Variants in SMURF1 observed in about 807,000 individuals in gnomAD.
SMURF1 encodes E3 ubiquitin-protein ligase SMURF1.
Under a neutral mutation model 98.0 loss-of-function variants are expected in SMURF1, and 44 were observed. The observed-to-expected ratio is 0.45, with a 90% confidence interval of 0.35 to 0.58. SMURF1 has a LOEUF of 0.58. SMURF1 is among the 20% of genes least tolerant of loss of function. The pLI is 0.00. For missense variants in SMURF1, 687 were observed against 938.4 expected, an observed-to-expected ratio of 0.73 and a Z score of 3.50; for synonymous variants, 396 against 374.9, an observed-to-expected ratio of 1.06 and a Z score of -0.65.
chr7:99,072,787 T>C (rs1796357752), intron 1 of SMURF1, among the ~76,000 whole-genome samples: 1 of 152,236 alleles, frequency 6.6e-6, no homozygotes. Flanking sequence ...CTTTCCTATT[T>C]ATCATTTTAT....
At chr7:99,100,313 G>A (rs1398835242) in intron 1 of SMURF1, among the ~76,000 whole-genome samples, 2 of 152,212 alleles carry the variant, frequency 1.3e-5, no homozygotes, top group African/African-American at 4.8e-5. Flanking sequence ...CTAGTACTTC[G>A]GGAGGCCGAG....
intron 1 of SMURF1, among the ~76,000 whole-genome samples, chr7:99,076,094 T>A (rs975604532): frequency 6.6e-6 from 1 of 152,172 alleles, no homozygotes; most frequent in African/African-American, 2.4e-5. Context: ...TTTATAGCGA[T>A]GGGGTCTCGC....
chr7:99,109,901 C>G (rs1048969962), intron 1 of SMURF1, among the ~76,000 whole-genome samples: 1 of 152,176 alleles, frequency 6.6e-6, no homozygotes, highest in Non-Finnish European at 1.5e-5. Flanking sequence ...ACATTTCCAT[C>G]AAAGCCAAGA....
At position 99,031,635 on chromosome 7, in the gene SMURF1, G is replaced by A. The variant is rs532299470; in HGVS notation, c.2097-952C>T. On this transcript the variant is annotated intron_variant, in intron 17 of 17. Coordinates refer to ENST00000361368, the MANE Select transcript of SMURF1 (RefSeq NM_181349.3). ...TGTGCAGCCAACATGGTGCGTTCCCGTAATGGACGCCACAGCCATGCTTGG... is the reference window on the plus strand; with the variant it reads ...TGTGCAGCCAACATGGTGCGTTCCCATAATGGACGCCACAGCCATGCTTGG... Among the ~76,000 whole-genome samples the A allele has an allele frequency of 9.8e-5, 15 of 152,314 alleles. No individual in the cohort carries two copies. In the South Asian group the frequency reaches 2.9e-3, roughly 29 times the overall value.
rs181092023 is a variant in SMURF1, at chr7:99,107,747, A to G, written c.55+35979T>C. 1.0e-3 allele frequency among the ~76,000 whole-genome samples: 159 copies of G among 152,350 alleles called. 2 individuals are homozygous for G. The highest frequency in any genetic ancestry group is 3.6e-3 in the African/African-American group (151 of 41,578). On this transcript the variant is annotated intron_variant, in intron 1 of 17. Coordinates refer to ENST00000361368, the MANE Select transcript of SMURF1 (RefSeq NM_181349.3). ...TCCCAGGCTTCTCGGAGCCAGTCCC[A>G]GGGTGGTATTAAGTGGCATTCCCGG...
rs959286808 is a variant in SMURF1, at chr7:99,028,540, A to G, written c.*2044T>C. 3.9e-5 allele frequency: 6 copies of G among 152,414 alleles called. No homozygotes were observed. In the East Asian group the frequency reaches 1.2e-3, roughly 29 times the overall value. The allele number at this position is 152,414 out of a possible 1,614,324, so 9.4% of individuals were successfully genotyped here. A position where few individuals can be genotyped will look rare whatever the true frequency, so the allele number is the denominator to read the frequency against. On this transcript the variant is annotated 3_prime_UTR_variant, in exon 18 of 18. Coordinates refer to ENST00000361368, the MANE Select transcript of SMURF1 (RefSeq NM_181349.3). ...CGGCACGAGAGGCAGGGCAGCACCA[A>G]CCAGCATGGGGATGGCGGTGCAGCT...
chr7:99,084,343 C>T (rs1462211391), intron 1 of SMURF1, among the ~76,000 whole-genome samples: 1 of 152,106 alleles, frequency 6.6e-6, no homozygotes, highest in East Asian at 1.9e-4. Context: ...TGCAGTGGCG[C>T]GATCTCAGCT....
chr7:99,068,357 C>A (rs1376928543), intron 1 of SMURF1, among the ~76,000 whole-genome samples: 1 of 152,226 alleles, frequency 6.6e-6, no homozygotes, highest in Non-Finnish European at 1.5e-5. Flanking sequence ...GGGGCACAAT[C>A]ATGGCTGACT....
intron 14 of SMURF1, among the ~76,000 whole-genome samples, chr7:99,037,480 C>T (rs905714595): frequency 6.6e-6 from 1 of 152,208 alleles, no homozygotes; most frequent in African/African-American, 2.4e-5. Flanking sequence ...CTCAGGTGAT[C>T]CGCCCGCCTC....
intron 1 of SMURF1, among the ~76,000 whole-genome samples, chr7:99,103,339 A>G (rs554497752): frequency 6.6e-6 from 1 of 152,218 alleles, no homozygotes; most frequent in Non-Finnish European, 1.5e-5. Flanking sequence ...TTTCATTCCA[A>G]TAAAGCAATT....
intron 1 of SMURF1, among the ~76,000 whole-genome samples, chr7:99,114,657 C>T (rs1392508254): frequency 6.6e-6 from 1 of 152,108 alleles, no homozygotes; most frequent in East Asian, 1.9e-4. Flanking sequence ...AGCAACTATA[C>T]CTAACGGACA....
At chr7:99,063,239 ATT>A (rs1563012538) in intron 1 of SMURF1, among the ~76,000 whole-genome samples, 2,650 of 10,282 alleles carry the variant, frequency 0.26, 289 homozygotes, top group Middle Eastern at 0.38. Context: ...TATAAGATTT[ATT>A]TATATATATA....
At chr7:99,049,927 T>A (rs1795705929) in intron 8 of SMURF1, 1 of 449,806 alleles carries the variant, frequency 2.2e-6, no homozygotes, top group Non-Finnish European at 3.9e-6. Context: ...AAACCAAACT[T>A]TCAGGCTGGG....
intron 1 of SMURF1, among the ~76,000 whole-genome samples, chr7:99,118,917 G>A (rs531171952): frequency 1.6e-4 from 24 of 150,316 alleles, no homozygotes; most frequent in African/African-American, 2.4e-4. Context: ...GCTGCAGTAC[G>A]TGATGCAATG....
At chr7:99,131,958 C>A (rs1185979188) in intron 1 of SMURF1, among the ~76,000 whole-genome samples, 3 of 152,112 alleles carry the variant, frequency 2.0e-5, no homozygotes, top group Non-Finnish European at 4.4e-5. Context: ...GGGCAAGGGG[C>A]AAATGAATGA....
chr7:99,058,493 G>A (rs1028462909), intron 3 of SMURF1, among the ~76,000 whole-genome samples: 1 of 152,110 alleles, frequency 6.6e-6, no homozygotes, highest in African/African-American at 2.4e-5. Context: ...CACCAATTAG[G>A]TTTGATACAG....
chr7:99,126,527 G>A (rs1797749159), intron 1 of SMURF1, among the ~76,000 whole-genome samples: 7 of 151,976 alleles, frequency 4.6e-5, no homozygotes, highest in Admixed American at 3.9e-4. Flanking sequence ...GTGGTGGCAT[G>A]TGCCTGTAGT....
intron 1 of SMURF1, among the ~76,000 whole-genome samples, chr7:99,122,950 A>T (rs1245110507): frequency 2.6e-5 from 4 of 151,958 alleles, no homozygotes; most frequent in African/African-American, 4.8e-5. Flanking sequence ...TCAAAGTGAC[A>T]GGCAGGTTCA....
chr7:99,073,959 A>G (rs1796393465), intron 1 of SMURF1, among the ~76,000 whole-genome samples: 1 of 152,232 alleles, frequency 6.6e-6, no homozygotes, highest in Admixed American at 6.5e-5. Context: ...TGAGATGTCC[A>G]TCAACAATAC....
Sources: allele counts gnomAD v4.1 joint callset (sites outside exome capture counted in the v4.1 genomes callset), GRCh38; gene constraint gnomAD v4.1.1; transcripts MANE v1.5; gene names NCBI Gene and HGNC (gene_info 2026-07-23, HGNC 2026-07-21).